The following UNC13B variants were observed in gnomAD, a reference collection of about 807,000 sequenced individuals.
UNC13B encodes the protein protein unc-13 homolog B.
Under a neutral mutation model 211.0 loss-of-function variants are expected in UNC13B, and 144 were observed. The ratio of observed to expected loss-of-function variants is 0.68; its 90% confidence interval spans 0.60 to 0.78. The LOEUF is 0.78. UNC13B is among the 30% of genes least tolerant of loss of function. The pLI is 0.00. For synonymous variants in UNC13B, 709 were observed against 725.8 expected (o/e 0.98, Z 0.37); for missense variants, 1,777 against 2,002.0 (o/e 0.89, Z 2.14).
chr9:35,164,167 C>T (rs1820915705), intron 1 of UNC13B, among the ~76,000 whole-genome samples: 1 of 152,140 alleles, frequency 6.6e-6, no homozygotes, highest in South Asian at 2.1e-4. Flanking sequence ...CAGGAGTGAA[C>T]CACCAGGCCC....
At chr9:35,398,344 G>A in intron 31 of UNC13B, 56 bp downstream of exon 31, 5 of 1,563,558 alleles carry the variant, frequency 3.2e-6, no homozygotes, top group Non-Finnish European at 4.4e-6. Context: ...GAGCTCCTTG[G>A]CCATAGAACT....
chr9:35,388,039 G>A (rs1221280700), intron 24 of UNC13B, among the ~76,000 whole-genome samples: 2 of 152,160 alleles, frequency 1.3e-5, no homozygotes, highest in African/African-American at 2.4e-5. Flanking sequence ...GAAAGGGGCT[G>A]GAGGGAAGGG....
chr9:35,247,523 G>C (rs146517669), intron 6 of UNC13B, among the ~76,000 whole-genome samples: 3,967 of 152,168 alleles, frequency 0.026, 175 homozygotes, highest in African/African-American at 0.089. Context: ...TTTGAGATAC[G>C]TCCCATCAGT....
chr9:35,326,596 C>T (rs1259226832), intron 11 of UNC13B, among the ~76,000 whole-genome samples: 1 of 152,058 alleles, frequency 6.6e-6, no homozygotes, highest in African/African-American at 2.4e-5. Flanking sequence ...GCTGTGTTGC[C>T]CAGGCTGGTC....
chr9:35,343,457 A>C (rs981885211), intron 11 of UNC13B, among the ~76,000 whole-genome samples: 1 of 152,196 alleles, frequency 6.6e-6, no homozygotes, highest in African/African-American at 2.4e-5. Context: ...GGTTTTCTGC[A>C]GAGTATTGGA....
intron 11 of UNC13B, among the ~76,000 whole-genome samples, chr9:35,318,203 TA>T (rs1394591425): frequency 6.6e-6 from 1 of 152,148 alleles, no homozygotes; most frequent in Non-Finnish European, 1.5e-5. Flanking sequence ...ACAGGTAAAG[TA>T]ACTGGCAACT....
chr9:35,380,604 C>T lies in UNC13B; in HGVS notation c.10340C>T (p.Thr3447Ile), dbSNP rs1456419229. 2 of 1,614,042 alleles carry T rather than the reference C, an allele frequency of 1.2e-6. No homozygotes were observed. The highest frequency in any genetic ancestry group is 1.7e-5 in the Admixed American group (1 of 60,000). The change falls in exon 18 of 40, where the codon ACC (threonine) becomes ATC (isoleucine). Residue 3447 changes from threonine (T) to isoleucine (I), a missense_variant. Thr to Ile is a moderately conservative substitution (Grantham distance 89). Coordinates refer to ENST00000635942, the MANE Select transcript of UNC13B (RefSeq NM_001371189.2). ...GGCCAAACCATCATTGAGGTTCGGA[C>T]CCTAAGTGGCGAGATGGACGTCTGG... The part of the protein sequence containing the change: ...FLGQTIIEVR[T>I]LSGEMDVWYN...
chr9:35,329,438 A>C (rs991578790), intron 11 of UNC13B, among the ~76,000 whole-genome samples: 2 of 152,122 alleles, frequency 1.3e-5, no homozygotes, highest in Admixed American at 6.5e-5. Flanking sequence ...CCTTGGGAGA[A>C]ATCAACCTTC....
At chr9:35,377,056 G>A (rs1834465394) in intron 15 of UNC13B, among the ~76,000 whole-genome samples, 1 of 152,208 alleles carries the variant, frequency 6.6e-6, no homozygotes, top group Admixed American at 6.5e-5. Flanking sequence ...AGAAGGGAAG[G>A]TCACCTCTAG....
intron 1 of UNC13B, among the ~76,000 whole-genome samples, chr9:35,184,443 T>A (rs1822215768): frequency 6.6e-6 from 1 of 152,078 alleles, no homozygotes; most frequent in Non-Finnish European, 1.5e-5. Context: ...TGAGCGAGAC[T>A]CCGTCTGCAA....
At chr9:35,403,377 C>T (rs1836458246) in intron 38 of UNC13B, 63 bp from the exon 39 acceptor site, 3 of 1,604,818 alleles carry the variant, frequency 1.9e-6, no homozygotes, top group Non-Finnish European at 2.6e-6. Context: ...GGGAAGGTCA[C>T]CTGGGGTTCA....
At chr9:35,321,009 A>G (rs554797224) in intron 11 of UNC13B, among the ~76,000 whole-genome samples, 1 of 152,296 alleles carries the variant, frequency 6.6e-6, no homozygotes, top group African/African-American at 2.4e-5. Context: ...AACTATTAAC[A>G]TTAGCTATAT....
intron 1 of UNC13B, among the ~76,000 whole-genome samples, chr9:35,200,303 T>A (rs1051934298): frequency 5.9e-5 from 9 of 152,212 alleles, no homozygotes; most frequent in Admixed American, 6.5e-5. Context: ...GGCTTAGGAT[T>A]GTCTTGGCAA....
chr9:35,392,293 C>T (rs1220594777), intron 26 of UNC13B, among the ~76,000 whole-genome samples: 12 of 152,094 alleles, frequency 7.9e-5, no homozygotes, highest in Non-Finnish European at 1.8e-4. Flanking sequence ...TAAGATCTAC[C>T]TCAGTGGGAG....
intron 1 of UNC13B, among the ~76,000 whole-genome samples, chr9:35,217,342 G>A (rs1273332929): frequency 2.0e-5 from 3 of 151,534 alleles, no homozygotes; most frequent in Admixed American, 2.0e-4. Flanking sequence ...TTTCTTTAAA[G>A]TCAGGAACAA....
intron 11 of UNC13B, among the ~76,000 whole-genome samples, chr9:35,315,024 G>C (rs1452025342): frequency 1.3e-5 from 2 of 148,478 alleles, no homozygotes; most frequent in Non-Finnish European, 3.0e-5. Context: ...CTACAGGCAT[G>C]CACCACCATG....
intron 9 of UNC13B, among the ~76,000 whole-genome samples, chr9:35,309,500 A>G (rs1432612856): frequency 1.3e-5 from 2 of 152,184 alleles, no homozygotes; most frequent in South Asian, 4.1e-4. Flanking sequence ...ATTCTTCAAA[A>G]GAACTGAAGC....
At chr9:35,212,048 T>A (rs1849189841) in intron 1 of UNC13B, among the ~76,000 whole-genome samples, 1 of 152,186 alleles carries the variant, frequency 6.6e-6, no homozygotes, top group Non-Finnish European at 1.5e-5. Context: ...GAGCTTTGAG[T>A]GTAGCTATTC....
chr9:35,281,321 TAGG>T (rs1331198864), intron 7 of UNC13B, among the ~76,000 whole-genome samples: 1 of 136,632 alleles, frequency 7.3e-6, no homozygotes, highest in Non-Finnish European at 1.6e-5. Context: ...GAGGCAGAGG[TAGG>T]AGAATTGCTT....
Sources: gnomAD v4.1 joint callset for allele counts (sites outside exome capture counted in the v4.1 genomes callset) on GRCh38, gnomAD v4.1.1 for gene constraint, MANE v1.5 for transcripts, NCBI Gene and HGNC (gene_info 2026-07-23, HGNC 2026-07-21) for gene names.